CTNNA2: variants seen among roughly 807,000 people sequenced by gnomAD.
CTNNA2 encodes catenin alpha-2.
CTNNA2 carries 42 observed loss-of-function variants against 101.0 expected under a neutral mutation model. That is an observed-to-expected ratio of 0.42 (90% CI 0.32 to 0.54). The LOEUF (loss-of-function observed/expected upper bound fraction) is 0.54. Among genes scored for constraint, CTNNA2 ranks in the 20% least tolerant of loss-of-function variants. The pLI, the probability that CTNNA2 is intolerant of heterozygous loss-of-function variation, is 0.14. For synonymous variants in CTNNA2, 450 were observed against 456.4 expected, an observed-to-expected ratio of 0.99 and a Z score of 0.18; for missense variants, 871 against 1,223.1, an observed-to-expected ratio of 0.71 and a Z score of 4.29.
chr2:80,198,208 A>G (rs1260426359), intron 7 of CTNNA2, among the ~76,000 whole-genome samples: 2 of 152,178 alleles, frequency 1.3e-5, no homozygotes, highest in African/African-American at 4.8e-5. Context: ...CAAGTATGAC[A>G]CCAGAGCACC....
At chr2:79,986,880 A>G (rs595744) in intron 7 of CTNNA2, among the ~76,000 whole-genome samples, 84,451 of 152,004 alleles carry the variant, frequency 0.56, 27,539 homozygotes, top group Non-Finnish European at 0.75. Flanking sequence ...GTTGTCTTTA[A>G]GAAGTAATTT....
At chr2:80,251,808 A>T (rs1005179180) in intron 7 of CTNNA2, among the ~76,000 whole-genome samples, 2 of 152,214 alleles carry the variant, frequency 1.3e-5, no homozygotes, top group Non-Finnish European at 2.9e-5. Context: ...ATTAAGAGTC[A>T]TTGGAGCTAA....
intron 7 of CTNNA2, among the ~76,000 whole-genome samples, chr2:79,920,725 A>G (rs969808204): frequency 1.3e-5 from 2 of 152,164 alleles, no homozygotes; most frequent in Non-Finnish European, 1.5e-5. Context: ...GCTTTTCACT[A>G]TAGTTAAAGC....
chr2:79,931,299 T>A (rs931596309), intron 7 of CTNNA2, among the ~76,000 whole-genome samples: 6 of 152,182 alleles, frequency 3.9e-5, no homozygotes, highest in African/African-American at 1.4e-4. Context: ...GGATATGTTT[T>A]AAAATGCAAA....
chr2:80,375,629 A>T (rs1317916470), intron 7 of CTNNA2, among the ~76,000 whole-genome samples: 1 of 128,054 alleles, frequency 7.8e-6, no homozygotes, highest in East Asian at 2.4e-4. Flanking sequence ...CAGTGGCGTG[A>T]TCTCAGCTCA....
chr2:80,548,712 C>T (rs1246188766), intron 11 of CTNNA2, among the ~76,000 whole-genome samples: 3 of 152,248 alleles, frequency 2.0e-5, no homozygotes, highest in African/African-American at 7.2e-5. Context: ...GGCACCTTTC[C>T]GCAGACGGGG....
intron 3 of CTNNA2, among the ~76,000 whole-genome samples, chr2:79,326,221 G>A (rs540192668): frequency 6.6e-6 from 1 of 151,928 alleles, no homozygotes; most frequent in East Asian, 1.9e-4. Context: ...AGGTGTTGAG[G>A]GATGTGAAAA....
chr2:79,843,788 C>G (rs987925179), intron 3 of CTNNA2, among the ~76,000 whole-genome samples: 3 of 152,192 alleles, frequency 2.0e-5, no homozygotes, highest in African/African-American at 7.2e-5. Flanking sequence ...CGATGAAACA[C>G]CCTCCAGCAG....
upstream of CTNNA2, among the ~76,000 whole-genome samples, chr2:79,511,500 T>A (rs998121525): frequency 2.6e-5 from 4 of 152,054 alleles, no homozygotes; most frequent in African/African-American, 9.7e-5. Context: ...AAACGCTAGG[T>A]GGTAAGAGCA....
At chr2:80,350,152 G>C (rs1673149258) in intron 7 of CTNNA2, among the ~76,000 whole-genome samples, 2 of 152,098 alleles carry the variant, frequency 1.3e-5, no homozygotes, top group African/African-American at 2.4e-5. Context: ...CTAGGGGTGT[G>C]CTTTTGGCAT....
intron 7 of CTNNA2, among the ~76,000 whole-genome samples, chr2:79,970,093 A>C (rs62139981): frequency 6.6e-6 from 1 of 152,098 alleles, no homozygotes; most frequent in South Asian, 2.1e-4. Flanking sequence ...AGGGGTAAGC[A>C]TTTATGCCCT....
intron 17 of CTNNA2, among the ~76,000 whole-genome samples, chr2:80,616,960 G>A (rs1318289122): frequency 2.6e-5 from 4 of 151,676 alleles, no homozygotes; most frequent in Non-Finnish European, 5.9e-5. Context: ...CATTTCCAAA[G>A]AGACAATAGG....
chr2:79,381,400 G>A (rs991136085), intron 4 of CTNNA2, among the ~76,000 whole-genome samples: 3 of 152,094 alleles, frequency 2.0e-5, no homozygotes, highest in East Asian at 1.9e-4. Context: ...CTTTTGTTAC[G>A]ATTCATACTG....
At chr2:80,068,603 A>G (rs1698127386) in intron 7 of CTNNA2, among the ~76,000 whole-genome samples, 1 of 152,204 alleles carries the variant, frequency 6.6e-6, no homozygotes, top group South Asian at 2.1e-4. Context: ...ATTGGAGACC[A>G]TTGCCAAATT....
At chr2:80,331,129 G>A (rs1044933262) in intron 7 of CTNNA2, among the ~76,000 whole-genome samples, 15 of 151,380 alleles carry the variant, frequency 9.9e-5, no homozygotes, top group African/African-American at 3.6e-4. Flanking sequence ...GTGCAAAGAA[G>A]AAGTGCAGCC....
intron 6 of CTNNA2, among the ~76,000 whole-genome samples, chr2:79,895,621 A>G (rs1050525326): frequency 3.3e-5 from 5 of 152,152 alleles, no homozygotes; most frequent in African/African-American, 9.7e-5. Context: ...AAACTTAAAA[A>G]AAATTCAACC....
At chr2:79,969,506 A>G (rs1486431505) in intron 7 of CTNNA2, among the ~76,000 whole-genome samples, 1 of 152,266 alleles carries the variant, frequency 6.6e-6, no homozygotes, top group African/African-American at 2.4e-5. Context: ...TAAAGAAATT[A>G]CAGGTTTGTT....
chr2:80,364,688 G>A (rs563356587), intron 7 of CTNNA2, among the ~76,000 whole-genome samples: 3 of 149,672 alleles, frequency 2.0e-5, no homozygotes, highest in Admixed American at 6.8e-5. Context: ...GGTAATTGAT[G>A]ATCTGTAAAT....
intron 2 of CTNNA2, among the ~76,000 whole-genome samples, chr2:79,695,577 G>T (rs1321086194): frequency 6.6e-6 from 1 of 152,000 alleles, no homozygotes; most frequent in Non-Finnish European, 1.5e-5. Context: ...GCCTTAAGAT[G>T]AACTGAGAGT....
Sources: allele counts gnomAD v4.1 joint callset (sites outside exome capture counted in the v4.1 genomes callset), GRCh38; gene constraint gnomAD v4.1.1; transcripts MANE v1.5; gene names NCBI Gene and HGNC (gene_info 2026-07-23, HGNC 2026-07-21).